RYR2: variants seen among roughly 807,000 people sequenced by gnomAD.
The protein encoded by RYR2 is ryanodine receptor 2, also known as cardiac muscle ryanodine receptor-calcium release channel.
RYR2 carries 227 observed loss-of-function variants against 601.1 expected under a neutral mutation model. That is an observed-to-expected ratio of 0.38 (90% confidence interval 0.34 to 0.42). The LOEUF is 0.42. RYR2 is among the 10% of genes least tolerant of loss of function. RYR2 has a pLI of 1.00. For missense variants in RYR2, 4,646 were observed against 6,156.5 expected (o/e 0.75, Z 8.21); for synonymous variants, 2,223 against 2,175.1 (o/e 1.02, Z -0.61).
chr1:237,219,916 G>A (rs1170239635), intron 1 of RYR2, among the ~76,000 whole-genome samples: 2 of 152,194 alleles, frequency 1.3e-5, no homozygotes, highest in African/African-American at 2.4e-5. Context: ...TGTCTTTTGA[G>A]AACCTATCAT....
At chr1:237,695,220 T>C (rs867636067) in intron 63 of RYR2, among the ~76,000 whole-genome samples, 1 of 152,236 alleles carries the variant, frequency 6.6e-6, no homozygotes, top group Non-Finnish European at 1.5e-5. Context: ...GAGAGTCATA[T>C]ATGAGAGTTG....
Position 237,081,362 on chromosome 1 carries a change from G to C in RYR2, c.48+38793G>C, listed in dbSNP as rs373918219. Reference sequence around the variant, plus strand: ...TGTACCTACATTTGCTTTGGTTCAGGATCCACAGGTTTGTGCCCCTCAGTC... The same window carrying C: ...TGTACCTACATTTGCTTTGGTTCAGCATCCACAGGTTTGTGCCCCTCAGTC... On this transcript the variant is annotated intron_variant, in intron 1 of 104. Transcript: ENST00000366574. Among the ~76,000 whole-genome samples, 8 of 151,210 alleles carry C rather than the reference G, an allele frequency of 5.3e-5. No homozygotes were observed. In the East Asian group the frequency reaches 1.4e-3, roughly 26 times the overall value.
At chr1:237,682,108 G>A (rs1188355722) in intron 62 of RYR2, among the ~76,000 whole-genome samples, 1 of 152,090 alleles carries the variant, frequency 6.6e-6, no homozygotes, top group African/African-American at 2.4e-5. Context: ...CTTACCCTTA[G>A]AACTATTCAC....
In RYR2 at chr1:237,128,043, G is replaced by A. The variant is rs539061607; in HGVS notation, c.48+85474G>A. ...GGAGGCCAAGGCAGGCGGCTGGGAGGTGGAGGTTGTAGCGAGCCGAGATCA... is the reference window on the plus strand; with the variant it reads ...GGAGGCCAAGGCAGGCGGCTGGGAGATGGAGGTTGTAGCGAGCCGAGATCA... On this transcript the variant is annotated intron_variant, in intron 1 of 104. Coordinates refer to ENST00000366574, the MANE Select transcript of RYR2 (RefSeq NM_001035.3). 5.7e-3 allele frequency among the ~76,000 whole-genome samples: 869 copies of A among 152,344 alleles called. 1 individual carries two copies. The highest frequency in any genetic ancestry group is 9.7e-3 in the Non-Finnish European group (662 of 68,022).
Position 237,423,603 on chromosome 1 carries a change from G to A in RYR2, c.1005+355G>A, listed in dbSNP as rs193255281. On this transcript the variant is annotated intron_variant, in intron 12 of 104. Coordinates refer to ENST00000366574, the MANE Select transcript of RYR2 (RefSeq NM_001035.3). ...CATCAAATGAAAGGTGTTTCATGTCGTTTACAGTTCTTAAAACACATCCAT... is the reference window on the plus strand; with the variant it reads ...CATCAAATGAAAGGTGTTTCATGTCATTTACAGTTCTTAAAACACATCCAT... Among the ~76,000 whole-genome samples, 83 of 145,838 alleles carry A rather than the reference G, an allele frequency of 5.7e-4. No homozygotes were observed. In the Middle Eastern group the frequency reaches 0.01, roughly 18 times the overall value.
At chr1:237,787,819 C>T (rs1657826923) in intron 91 of RYR2, 169 bp from the exon 92 acceptor site, 1 of 651,738 alleles carries the variant, frequency 1.5e-6, no homozygotes, top group Non-Finnish European at 2.6e-6. Context: ...AACAGAAAAT[C>T]CTACCCCTGA....
rs1699954095 is a variant in RYR2 at position 237,363,517 on chromosome 1, GTCT to G, written c.295-840_295-838del. Among the ~76,000 whole-genome samples, 7 of 151,920 alleles carry G rather than the reference GTCT, an allele frequency of 4.6e-5. No homozygotes were observed. The South Asian group carries it at 1.5e-3, about 32-fold the overall frequency. On this transcript the variant is annotated intron_variant, in intron 4 of 104. Coordinates refer to ENST00000366574, the MANE Select transcript of RYR2 (RefSeq NM_001035.3). Reference sequence around the variant, plus strand: ...CCTTGCTGTTTTTCTTACAACTAGTGTCTCTATGGTATCTTTTCTCCATAGGAC... The same window carrying G: ...CCTTGCTGTTTTTCTTACAACTAGTGCTATGGTATCTTTTCTCCATAGGAC...
intron 2 of RYR2, among the ~76,000 whole-genome samples, chr1:237,284,268 C>T (rs1691214172): frequency 6.9e-6 from 1 of 144,966 alleles, no homozygotes; most frequent in Non-Finnish European, 1.5e-5. Context: ...GTAATCCCAG[C>T]TACTTGGGAG....
At chr1:237,579,903 C>A (rs1053886053) in intron 29 of RYR2, among the ~76,000 whole-genome samples, 37 of 152,088 alleles carry the variant, frequency 2.4e-4, no homozygotes, top group Middle Eastern at 3.4e-3. Context: ...ACAAAACCAG[C>A]AACAATAAAG....
intron 1 of RYR2, among the ~76,000 whole-genome samples, chr1:237,187,768 A>T (rs1679529597): frequency 6.6e-6 from 1 of 152,044 alleles, no homozygotes; most frequent in Admixed American, 6.6e-5. Flanking sequence ...AAATCATGAA[A>T]CTGTTCTGGA....
rs747297455 is a variant in RYR2 at position 237,374,724 on chromosome 1, G to A, written c.392G>A (p.Cys131Tyr). The A allele has an allele frequency of 3.7e-6, 6 of 1,612,058 alleles. No homozygotes were observed. The highest frequency in any genetic ancestry group is 5.1e-6 in the Non-Finnish European group (6 of 1,178,948). ...TGATTTTGTACTTTGTAGTATCTGT[G>A]CTGCCTGTCCACCTCCCGGTCTTCA... ...LRHSYSGMYLCCLSTSRSSTD... is the reference protein window; with the variant it reads ...LRHSYSGMYLYCLSTSRSSTD... Residue 131 changes from cysteine to tyrosine, a missense_variant, in exon 7 of 105, where the codon TGC becomes TAC. Physicochemically the swap from Cys to Tyr is radical, Grantham distance 194. Transcript: ENST00000366574.
At chr1:237,562,108 T>G (rs970391191) in intron 27 of RYR2, among the ~76,000 whole-genome samples, 14 of 152,226 alleles carry the variant, frequency 9.2e-5, no homozygotes, top group Non-Finnish European at 1.9e-4. Flanking sequence ...AGGAGAATGC[T>G]TACATATTCC....
chr1:237,269,855 G>A (rs139474596), intron 1 of RYR2, among the ~76,000 whole-genome samples: 2 of 152,298 alleles, frequency 1.3e-5, no homozygotes, highest in African/African-American at 4.8e-5. Flanking sequence ...CCCATGTACA[G>A]TTTCTTCAGT....
chr1:237,452,539 A>G (rs1658318770), intron 14 of RYR2, among the ~76,000 whole-genome samples: 1 of 99,408 alleles, frequency 1.0e-5, no homozygotes, highest in South Asian at 3.3e-4. Context: ...TATATAATAT[A>G]TAACAACATA....
At chr1:237,388,019 G>C in intron 9 of RYR2, 68 bp from the exon 10 acceptor site, 1 of 1,389,586 alleles carries the variant, frequency 7.2e-7, no homozygotes, top group Non-Finnish European at 1.0e-6. Context: ...GATTGGACCA[G>C]ATGATCTGTC....
At chr1:237,734,644 C>A (rs952155448) in intron 79 of RYR2, among the ~76,000 whole-genome samples, 1 of 152,136 alleles carries the variant, frequency 6.6e-6, no homozygotes, top group African/African-American at 2.4e-5. Flanking sequence ...CTCCTCTTGA[C>A]AAGTGGATAA....
intron 79 of RYR2, among the ~76,000 whole-genome samples, chr1:237,735,576 C>G (rs1691069369): frequency 6.6e-6 from 1 of 152,118 alleles, no homozygotes; most frequent in African/African-American, 2.4e-5. Context: ...TAAACTCTAA[C>G]CTACAGCAAG....
Position 237,399,613 on chromosome 1 carries a change from T to G in RYR2, c.773+11430T>G, listed in dbSNP as rs61219233. Among the ~76,000 whole-genome samples, 10 of 152,318 alleles carry G rather than the reference T, an allele frequency of 6.6e-5. No individual in the cohort carries two copies. In the East Asian group the frequency reaches 1.5e-3, roughly 24 times the overall value. Reference sequence around the variant, plus strand: ...CACTCACATCAATCAAGTTCGCAAGTGCACACAGAACAAAGGAGACCAGGG... The same window carrying G: ...CACTCACATCAATCAAGTTCGCAAGGGCACACAGAACAAAGGAGACCAGGG... On this transcript the variant is annotated intron_variant, in intron 10 of 104. Transcript: ENST00000366574.
Position 237,783,701 on chromosome 1 carries a change from A to T in RYR2, c.11989A>T (p.Lys3997Ter). Residue 3997 changes from lysine (K) to a stop codon, truncating the protein, a stop_gained, in exon 90 of 105, where the codon AAA becomes TAA. Transcript: ENST00000366574. LOFTEE classifies it high-confidence loss of function. ...TAATGTTGTTAATGGAACGATTGGC[A>T]AACAGATGGTGGATATGCTTGTGGA... ...EGNVVNGTIGKQMVDMLVESS... is the reference protein window; with the variant it reads ...EGNVVNGTIG The T allele has an allele frequency of 6.2e-7, 1 of 1,606,348 alleles. No homozygotes were observed. Among genetic ancestry groups the T allele is most frequent in the Non-Finnish European group, 8.5e-7 (1 of 1,174,438 alleles).
Sources: allele counts gnomAD v4.1 joint callset (sites outside exome capture counted in the v4.1 genomes callset), GRCh38; gene constraint gnomAD v4.1.1; transcripts MANE v1.5; gene names NCBI Gene and HGNC (gene_info 2026-07-23, HGNC 2026-07-21).